The following PCM1 variants were observed in gnomAD, a reference collection of about 807,000 sequenced individuals.
The protein encoded by PCM1 is pericentriolar material 1 protein.
PCM1 carries 157 observed loss-of-function variants against 241.9 expected under a neutral mutation model. The ratio of observed to expected loss-of-function variants is 0.65; its 90% CI spans 0.57 to 0.74. The LOEUF (loss-of-function observed/expected upper bound fraction) is 0.74, where lower values mean the gene tolerates loss of function less well. Among genes scored for constraint, PCM1 ranks in the 30% least tolerant of loss-of-function variants. The probability of loss-of-function intolerance (pLI) is 0.00; values close to 1 mark genes in which losing one functional copy is unlikely to be tolerated. For synonymous variants in PCM1, 1,085 were observed against 784.9 expected, an observed-to-expected ratio of 1.38 and a Z score of -6.39; for missense variants, 3,478 against 2,360.1, an observed-to-expected ratio of 1.47 and a Z score of -9.81.
intron 8 of PCM1, among the ~76,000 whole-genome samples, chr8:17,951,830 A>G (rs559166683): frequency 3.3e-5 from 5 of 152,296 alleles, no homozygotes; most frequent in African/African-American, 1.2e-4. Flanking sequence ...TGATGCAAAT[A>G]TGGGAAAATC....
In PCM1 at chr8:18,011,689, G is replaced by A; in HGVS notation, c.5373G>A (p.Gln1791=). 6.2e-7 allele frequency: 1 copy of A among 1,610,780 alleles called. No homozygotes were observed. Among genetic ancestry groups the A allele is most frequent in the Non-Finnish European group, 8.5e-7 (1 of 1,178,420 alleles). Residue 1791 remains glutamine, a synonymous_variant, in exon 34 of 39, where the codon CAG becomes CAA. Transcript: ENST00000325083. The part of the protein sequence containing the change: ...VSINLSKAET[Q]ALTNYGSGED... Reference sequence around the variant, plus strand: ...TAGATTTGTCTAAAGCTGAAACTCAGGCTTTAACTAATTATGGAAGTGGAG... The same window carrying A: ...TAGATTTGTCTAAAGCTGAAACTCAAGCTTTAACTAATTATGGAAGTGGAG...
chr8:17,976,661 T>C (rs1488515478), intron 23 of PCM1, among the ~76,000 whole-genome samples: 4 of 152,308 alleles, frequency 2.6e-5, no homozygotes, highest in African/African-American at 9.6e-5. Flanking sequence ...GGCTGATCTC[T>C]TTCCCTTCAG....
chr8:17,955,954 A>C (rs2068191906), intron 10 of PCM1: 1 of 384,896 alleles, frequency 2.6e-6, no homozygotes, highest in African/African-American at 2.1e-5. Flanking sequence ...CAGGCTGTAG[A>C]ATCAGACAGC....
chr8:17,968,477 C>G (rs1323510546), intron 21 of PCM1, among the ~76,000 whole-genome samples: 2 of 151,876 alleles, frequency 1.3e-5, no homozygotes, highest in Non-Finnish European at 2.9e-5. Context: ...TAGGCCTTGT[C>G]AGTAGGGATC....
intron 21 of PCM1, 166 bp from the exon 22 acceptor site, chr8:17,969,411 T>C (rs990302425): frequency 1.7e-6 from 1 of 573,214 alleles, no homozygotes; most frequent in Non-Finnish European, 3.0e-6. Flanking sequence ...CATAGTGGCC[T>C]AAGCTGTGAA....
rs779247100 is a variant in PCM1, at chr8:17,992,118, A to G, written c.4690+418A>G. On this transcript the variant is annotated intron_variant, in intron 28 of 38. Transcript: ENST00000325083. Reference sequence around the variant, plus strand: ...TGTCTATCTACACATATATACATATACCACATTTTCTTTATCCGCTCGTTG... The same window carrying G: ...TGTCTATCTACACATATATACATATGCCACATTTTCTTTATCCGCTCGTTG... 9.0e-4 allele frequency among the ~76,000 whole-genome samples: 137 copies of G among 152,322 alleles called. 1 individual carries two copies. The highest frequency in any genetic ancestry group is 1.9e-3 in the South Asian group (9 of 4,830).
intron 29 of PCM1, among the ~76,000 whole-genome samples, chr8:17,995,113 C>T (rs2086203152): frequency 6.6e-6 from 1 of 151,358 alleles, no homozygotes; most frequent in Admixed American, 6.6e-5. Flanking sequence ...GACCAATGTC[C>T]TGCAGAGTTT....
chr8:18,028,456 A>AACTT lies in PCM1; in HGVS notation c.*796_*799dup, dbSNP rs542638075. On this transcript the variant is annotated 3_prime_UTR_variant, in exon 39 of 39. Coordinates refer to ENST00000325083, the MANE Select transcript of PCM1 (RefSeq NM_006197.4). ...ACATTGTGGTTAATTTTAAATGAAAAACTTAACTTTTTCAAGTGGGGATAA... is the reference window on the plus strand; with the variant it reads ...ACATTGTGGTTAATTTTAAATGAAAAACTTACTTAACTTTTTCAAGTGGGGATAA... 2.8e-4 allele frequency: 54 copies of AACTT among 193,948 alleles called. No individual in the cohort carries two copies. Among genetic ancestry groups the AACTT allele is most frequent in the African/African-American group, 7.2e-4 (31 of 43,180 alleles). 12.0% of individuals were successfully genotyped at this position (193,948 alleles called of 1,614,324 possible). A position where few individuals can be genotyped will look rare whatever the true frequency, so the allele number is the denominator to read the frequency against.
chr8:17,991,541 G>T lies in PCM1; in HGVS notation c.4532-1G>T. On this transcript the variant is annotated splice_acceptor_variant, in intron 27 of 38. Transcript: ENST00000325083. LOFTEE classifies it high-confidence loss of function. ...AAAAAATATTTTTGTTCCAAATGTA[G>T]GTAACACCGTGATTCACTTAGATCA... 6.3e-7 allele frequency: 1 copy of T among 1,592,982 alleles called. No homozygotes were observed. Among genetic ancestry groups the T allele is most frequent in the South Asian group, 1.1e-5 (1 of 87,176 alleles).
chr8:18,019,933 G>A (rs1257414406), intron 36 of PCM1, among the ~76,000 whole-genome samples: 1 of 152,132 alleles, frequency 6.6e-6, no homozygotes, highest in Non-Finnish European at 1.5e-5. Context: ...GGTTCCCTAG[G>A]CCCACAACTA....
chr8:17,937,061 C>T, intron 3 of PCM1, 73 bp from the exon 4 acceptor site: 1 of 1,224,118 alleles, frequency 8.2e-7, no homozygotes, highest in Non-Finnish European at 1.1e-6. Context: ...CTGACCAAAA[C>T]TTTTTAATTA....
At chr8:17,960,473 T>C (rs780255860) in intron 15 of PCM1, 29 bp downstream of exon 15, 4 of 1,556,594 alleles carry the variant, frequency 2.6e-6, no homozygotes, top group Non-Finnish European at 1.7e-6. Flanking sequence ...TCTAATTGTC[T>C]GAAAAAAGAT....
intron 1 of PCM1, among the ~76,000 whole-genome samples, chr8:17,924,155 A>T (rs1420158536): frequency 6.6e-6 from 1 of 151,916 alleles, no homozygotes; most frequent in East Asian, 1.9e-4. Context: ...TTCTCTGGTT[A>T]CCGGAGTGGG....
At chr8:18,018,865 T>TAC (rs2093491574) in intron 36 of PCM1, among the ~76,000 whole-genome samples, 2 of 65,984 alleles carry the variant, frequency 3.0e-5, no homozygotes, top group East Asian at 3.1e-4. Context: ...TATATATATA[T>TAC]ATATATATAT....
chr8:18,022,074 A>G (rs1273326968), intron 36 of PCM1, among the ~76,000 whole-genome samples: 2 of 152,178 alleles, frequency 1.3e-5, no homozygotes, highest in African/African-American at 4.8e-5. Context: ...AAAGGACTGT[A>G]GCAGACAGCT....
chr8:17,995,848 A>G (rs2086510659), intron 29 of PCM1, among the ~76,000 whole-genome samples: 1 of 152,036 alleles, frequency 6.6e-6, no homozygotes, highest in Admixed American at 6.6e-5. Context: ...GGTGGCATAT[A>G]GAAATGCTAC....
At chr8:18,004,077 T>C (rs989854828) in intron 29 of PCM1, among the ~76,000 whole-genome samples, 8 of 152,170 alleles carry the variant, frequency 5.3e-5, no homozygotes, top group Admixed American at 2.0e-4. Flanking sequence ...GATCTATCCT[T>C]ATGCTTAGGG....
chr8:18,029,286 A>T lies in PCM1; in HGVS notation c.*1624A>T, dbSNP rs2094402027. 2 of 217,554 alleles carry T rather than the reference A, an allele frequency of 9.2e-6. No individual in the cohort carries two copies. The highest frequency in any genetic ancestry group is 1.9e-5 in the Non-Finnish European group (2 of 108,102). The allele number at this position is 217,554 out of a possible 1,614,324, so 13.5% of individuals were successfully genotyped here. A position where few individuals can be genotyped will look rare whatever the true frequency, so the allele number is the denominator to read the frequency against. On this transcript the variant is annotated 3_prime_UTR_variant, in exon 39 of 39. Coordinates refer to ENST00000325083, the MANE Select transcript of PCM1 (RefSeq NM_006197.4). ...TATTGCTACTTAAATTATGGAAGAC[A>T]ATATATCTTCAACTTTAATAAAACC...
Position 17,935,663 on chromosome 8 carries a change from C to G in PCM1, c.53C>G (p.Pro18Arg), listed in dbSNP as rs1376157043. 6.4e-7 allele frequency: 1 copy of G among 1,559,128 alleles called. No homozygotes were observed. The highest frequency in any genetic ancestry group is 2.2e-5 in the East Asian group (1 of 44,596). ...FEDGMNDQDLPNWSNENVDDR... is the reference protein window; with the variant it reads ...FEDGMNDQDLRNWSNENVDDR... ...GATGGCATGAATGATCAGGATTTAC[C>G]AAACTGGAGTAATGAGAATGTTGAT... Residue 18 changes from proline to arginine, a missense_variant, in exon 3 of 39, where the codon CCA (proline) becomes CGA (arginine). Pro to Arg is a moderately radical substitution (Grantham distance 103, BLOSUM62 -2). Transcript: ENST00000325083.
Sources: gnomAD v4.1 joint callset for allele counts (sites outside exome capture counted in the v4.1 genomes callset) on GRCh38, gnomAD v4.1.1 for gene constraint, MANE v1.5 for transcripts, NCBI Gene and HGNC (gene_info 2026-07-23, HGNC 2026-07-21) for gene names.